LUZP2: variants seen among roughly 807,000 people sequenced by gnomAD.
LUZP2 encodes the protein leucine zipper protein 2.
In LUZP2, 52 loss-of-function variants were observed where a neutral mutation model predicts 51.6. That is an observed-to-expected ratio of 1.01 (90% CI 0.81 to 1.27). The LOEUF is 1.27. Ranked by LOEUF, LUZP2 falls within the 50% of genes most tolerant of loss-of-function variation. The pLI is 0.00. For synonymous variants in LUZP2, 154 were observed against 137.3 expected (o/e 1.12, Z -0.85); for missense variants, 436 against 395.4 (o/e 1.10, Z -0.87).
chr11:24,523,688 T>G (rs1850714617), intron 1 of LUZP2, among the ~76,000 whole-genome samples: 1 of 151,586 alleles, frequency 6.6e-6, no homozygotes. Context: ...GATAACAATC[T>G]TATTTTAATT....
intron 5 of LUZP2, among the ~76,000 whole-genome samples, chr11:24,849,297 C>T (rs927184341): frequency 2.0e-5 from 3 of 152,092 alleles, no homozygotes; most frequent in Non-Finnish European, 2.9e-5. Context: ...TACCTATCAA[C>T]AGGCCCCGGT....
At chr11:24,774,332 T>TCTCTCTCTCTCTC (rs1848840428) in intron 5 of LUZP2, among the ~76,000 whole-genome samples, 1 of 41,926 alleles carries the variant, frequency 2.4e-5, no homozygotes, top group African/African-American at 9.3e-5. Context: ...CTTAGTAAAC[T>TCTCTCTCTCTCTC]TCTCTCTCTC....
intron 10 of LUZP2, among the ~76,000 whole-genome samples, chr11:25,072,271 T>A (rs1859180458): frequency 6.6e-6 from 1 of 152,118 alleles, no homozygotes; most frequent in Admixed American, 6.6e-5. Flanking sequence ...CTTGTTTATG[T>A]ATGTATTTAT....
chr11:24,730,954 A>C (rs1353882089), intron 2 of LUZP2, among the ~76,000 whole-genome samples: 1 of 151,702 alleles, frequency 6.6e-6, no homozygotes, highest in Non-Finnish European at 1.5e-5. Context: ...ACCATGATAC[A>C]CTTTGAACTT....
chr11:24,958,305 C>G (rs2133873852), intron 7 of LUZP2, among the ~76,000 whole-genome samples: 1 of 152,274 alleles, frequency 6.6e-6, no homozygotes, highest in Middle Eastern at 3.4e-3. Context: ...ATTTCTAGTT[C>G]TAGATCCCTG....
intron 1 of LUZP2, among the ~76,000 whole-genome samples, chr11:24,520,477 A>G (rs1423482366): frequency 6.6e-6 from 1 of 152,242 alleles, no homozygotes; most frequent in Admixed American, 6.5e-5. Flanking sequence ...AAAAGGTTGT[A>G]TAATTATTGC....
intron 2 of LUZP2, among the ~76,000 whole-genome samples, chr11:24,730,358 G>A (rs1858668444): frequency 6.6e-6 from 1 of 151,498 alleles, no homozygotes; most frequent in East Asian, 1.9e-4. Context: ...CAATATCTAA[G>A]CTCTTCTTCC....
At chr11:24,775,547 T>C (rs1203227072) in intron 5 of LUZP2, among the ~76,000 whole-genome samples, 2 of 152,228 alleles carry the variant, frequency 1.3e-5, no homozygotes, top group African/African-American at 4.8e-5. Context: ...TTACTTAGTA[T>C]TCCAGAGGTA....
intron 1 of LUZP2, among the ~76,000 whole-genome samples, chr11:24,692,232 A>G (rs1316493501): frequency 6.6e-6 from 1 of 151,970 alleles, no homozygotes; most frequent in African/African-American, 2.4e-5. Flanking sequence ...AATTGTTGTT[A>G]CAGAGCTTCA....
intron 5 of LUZP2, among the ~76,000 whole-genome samples, chr11:24,770,226 T>C (rs922193660): frequency 2.0e-5 from 3 of 152,226 alleles, no homozygotes; most frequent in Non-Finnish European, 4.4e-5. Context: ...CGGTCTGAGA[T>C]ATAAGAAAGG....
At chr11:25,039,923 A>G (rs1218417480) in intron 9 of LUZP2, among the ~76,000 whole-genome samples, 1 of 152,078 alleles carries the variant, frequency 6.6e-6, no homozygotes, top group Non-Finnish European at 1.5e-5. Flanking sequence ...AGATATCACT[A>G]CAGACACTTT....
chr11:24,979,605 A>T (rs1029674537), intron 8 of LUZP2, among the ~76,000 whole-genome samples: 1 of 151,892 alleles, frequency 6.6e-6, no homozygotes, highest in Admixed American at 6.6e-5. Flanking sequence ...TTAGTATCTC[A>T]GTATAAACAA....
chr11:25,004,041 G>A (rs1249124697), intron 9 of LUZP2, among the ~76,000 whole-genome samples: 1 of 152,154 alleles, frequency 6.6e-6, no homozygotes, highest in African/African-American at 2.4e-5. Context: ...GGCCATACCA[G>A]TGTCCAGGAG....
At chr11:24,550,520 T>C (rs1409591426) in intron 1 of LUZP2, among the ~76,000 whole-genome samples, 2 of 152,104 alleles carry the variant, frequency 1.3e-5, no homozygotes, top group Non-Finnish European at 1.5e-5. Flanking sequence ...GTAAACCAGA[T>C]GGCCAGGCAG....
chr11:24,551,001 CA>C (rs1374575807), intron 1 of LUZP2, among the ~76,000 whole-genome samples: 3 of 151,888 alleles, frequency 2.0e-5, no homozygotes, highest in African/African-American at 7.2e-5. Context: ...TACAGAATAA[CA>C]GGTATGCTTG....
chr11:24,651,843 C>A (rs1855632544), intron 1 of LUZP2, among the ~76,000 whole-genome samples: 1 of 152,122 alleles, frequency 6.6e-6, no homozygotes, highest in Non-Finnish European at 1.5e-5. Flanking sequence ...ATTCTGCCAG[C>A]AGACTGCCTT....
intron 1 of LUZP2, among the ~76,000 whole-genome samples, chr11:24,637,608 C>A (rs992203986): frequency 6.6e-6 from 1 of 151,620 alleles, no homozygotes; most frequent in Admixed American, 6.6e-5. Context: ...TCCTGGGGGG[C>A]GGTCTATGAA....
rs1342182993 is a variant in LUZP2, at chr11:25,081,797, TATTTAC to T, written c.*3144_*3149del. ...CCTGTAATGATAAGCATTGAAAGATTATTTACATTTTGAAAAACATGGAATTGATTC... is the reference window on the plus strand; with the variant it reads ...CCTGTAATGATAAGCATTGAAAGATTATTTTGAAAAACATGGAATTGATTC... On this transcript the variant is annotated 3_prime_UTR_variant, in exon 12 of 12. Coordinates refer to ENST00000336930, the MANE Select transcript of LUZP2 (RefSeq NM_001009909.4). 6.6e-6 allele frequency: 1 copy of T among 152,196 alleles called. No individual in the cohort carries two copies. The highest frequency in any genetic ancestry group is 2.4e-5 in the African/African-American group (1 of 41,466). 9.4% of individuals were successfully genotyped at this position (152,196 alleles called of 1,614,324 possible).
intron 9 of LUZP2, among the ~76,000 whole-genome samples, chr11:25,023,111 T>C (rs1315674956): frequency 1.3e-5 from 2 of 152,144 alleles, no homozygotes; most frequent in African/African-American, 4.8e-5. Flanking sequence ...GAAATTCTCT[T>C]TTTTTTGTTG....
Sources: allele counts gnomAD v4.1 joint callset (sites outside exome capture counted in the v4.1 genomes callset), GRCh38; gene constraint gnomAD v4.1.1; transcripts MANE v1.5; gene names NCBI Gene and HGNC (gene_info 2026-07-23, HGNC 2026-07-21).